The following SAV1 variants were observed in gnomAD, a reference collection of about 807,000 sequenced individuals.
The protein encoded by SAV1 is salvador family WW domain containing protein 1.
A neutral mutation model predicts 47.3 loss-of-function variants in SAV1; 23 were observed. The ratio of observed to expected loss-of-function variants is 0.49; its 90% CI spans 0.35 to 0.69. SAV1 has a LOEUF of 0.69. Ranked by LOEUF, SAV1 falls within the 30% of genes least tolerant of loss-of-function variation. SAV1 has a pLI of 0.01. For synonymous variants in SAV1, 155 were observed against 159.2 expected, an observed-to-expected ratio of 0.97 and a Z score of 0.20; for missense variants, 448 against 457.4, an observed-to-expected ratio of 0.98 and a Z score of 0.19.
At chr14:50,666,423 C>T (rs1213879185) in intron 1 of SAV1, among the ~76,000 whole-genome samples, 1 of 152,092 alleles carries the variant, frequency 6.6e-6, no homozygotes, top group African/African-American at 2.4e-5. Flanking sequence ...AGACAAAAAC[C>T]TGAATATGCA....
At chr14:50,662,617 T>C (rs1296890791) in intron 2 of SAV1, 1 of 152,220 alleles carries the variant, frequency 6.6e-6, no homozygotes, top group Non-Finnish European at 1.5e-5. Context: ...AGAGGATCAG[T>C]AGAGATTTAG....
At chr14:50,655,120 CTTAAAGAGAAAATA>C (rs1360156910) in intron 2 of SAV1, among the ~76,000 whole-genome samples, 1 of 152,090 alleles carries the variant, frequency 6.6e-6, no homozygotes, top group African/African-American at 2.4e-5. Context: ...AACTTCAGTA[CTTAAAGAGAAAATA>C]TTTAAACAGA....
Position 50,665,407 on chromosome 14 carries a change from G to A in SAV1, c.307C>T (p.Leu103=), listed in dbSNP as rs1256340894. The change falls in exon 2 of 5, where the codon CTA becomes TTA. Residue 103 remains leucine, a synonymous_variant. Transcript: ENST00000324679. ...CCATACTCTCTAGGGACATCTGCTAGACTTCTGGCAAGATAAGAAGGTGCA... is the reference window on the plus strand; with the variant it reads ...CCATACTCTCTAGGGACATCTGCTAAACTTCTGGCAAGATAAGAAGGTGCA... ...LSAPSYLARS[L]ADVPREYGSS... 6.2e-7 allele frequency: 1 copy of A among 1,612,498 alleles called. No homozygotes were observed.
intron 1 of SAV1, 53 bp downstream of exon 1, chr14:50,667,821 C>A: frequency 1.3e-6 from 2 of 1,506,984 alleles, no homozygotes; most frequent in Non-Finnish European, 1.8e-6. Context: ...CCAGGGTCCC[C>A]GGAGCACCTG....
intron 2 of SAV1, among the ~76,000 whole-genome samples, chr14:50,648,949 G>T (rs773084469): frequency 1.3e-5 from 2 of 152,098 alleles, no homozygotes; most frequent in African/African-American, 2.4e-5. Flanking sequence ...ATTACTTGAT[G>T]AAAGTTATCT....
chr14:50,651,793 ATTTCT>A (rs1386218116), intron 2 of SAV1, among the ~76,000 whole-genome samples: 3 of 151,886 alleles, frequency 2.0e-5, no homozygotes, highest in Non-Finnish European at 4.4e-5. Context: ...AGCCTGGCTA[ATTTCT>A]TTTATTATTT....
chr14:50,653,476 A>G (rs1676893777), intron 2 of SAV1, among the ~76,000 whole-genome samples: 1 of 152,228 alleles, frequency 6.6e-6, no homozygotes, highest in South Asian at 2.1e-4. Context: ...ACTTAGACAT[A>G]CTTTGGAGAT....
At chr14:50,656,349 G>A (rs1196687137) in intron 2 of SAV1, among the ~76,000 whole-genome samples, 1 of 151,682 alleles carries the variant, frequency 6.6e-6, no homozygotes, top group Non-Finnish European at 1.5e-5. Context: ...CTTTACTAAC[G>A]CTATTAAAAA....
At chr14:50,639,085 C>T (rs1198042899) in intron 4 of SAV1, among the ~76,000 whole-genome samples, 1 of 152,184 alleles carries the variant, frequency 6.6e-6, no homozygotes, top group East Asian at 1.9e-4. Context: ...AAAATTTTAT[C>T]CTATAGTTCA....
At chr14:50,651,153 G>T (rs568455813) in intron 2 of SAV1, among the ~76,000 whole-genome samples, 2 of 152,264 alleles carry the variant, frequency 1.3e-5, no homozygotes, top group African/African-American at 4.8e-5. Context: ...TGGCTAAGCC[G>T]CTTCCAAAAT....
intron 4 of SAV1, among the ~76,000 whole-genome samples, chr14:50,636,793 T>C (rs987757616): frequency 1.3e-5 from 2 of 152,202 alleles, no homozygotes; most frequent in Non-Finnish European, 2.9e-5. Flanking sequence ...TCAATGTTAA[T>C]ATCCACTAAG....
Position 50,667,958 on chromosome 14 carries a change from G to C in SAV1, c.10C>G (p.Arg4Gly), listed in dbSNP as rs759488198. 9 of 1,610,908 alleles carry C rather than the reference G, an allele frequency of 5.6e-6. No individual in the cohort carries two copies. In the East Asian group the frequency reaches 6.7e-5, roughly 12 times the overall value. Reference sequence around the variant, plus strand: ...GACACTTCGTTTTTGGTTTTCTTTCGGGACAGCATCCTTCTCGACGAGGCC... The same window carrying C: ...GACACTTCGTTTTTGGTTTTCTTTCCGGACAGCATCCTTCTCGACGAGGCC... MLS[R>G]KKTKNEVSKP... Residue 4 changes from arginine to glycine, a missense_variant, in exon 1 of 5, where the codon CGA becomes GGA. By Grantham distance (125) the Arg-to-Gly change is moderately radical. Coordinates refer to ENST00000324679, the MANE Select transcript of SAV1 (RefSeq NM_021818.4).
chr14:50,635,101 T>C lies in SAV1; in HGVS notation c.*82A>G. On this transcript the variant is annotated 3_prime_UTR_variant, in exon 5 of 5. Transcript: ENST00000324679. ...TTTCCACAAAGGAAGCAGCATTTAT[T>C]AACCAGAGTACTTGTTTGCAATTTT... 1 of 909,444 alleles carries C rather than the reference T, an allele frequency of 1.1e-6. No individual in the cohort carries two copies. The highest frequency in any genetic ancestry group is 1.7e-6 in the Non-Finnish European group (1 of 579,262). 56.3% of individuals were successfully genotyped at this position (909,444 alleles called of 1,614,324 possible). A position where few individuals can be genotyped will look rare whatever the true frequency, so the allele number is the denominator to read the frequency against.
intron 4 of SAV1, among the ~76,000 whole-genome samples, chr14:50,640,359 A>C (rs1335084141): frequency 6.6e-6 from 1 of 152,076 alleles, no homozygotes; most frequent in Admixed American, 6.6e-5. Flanking sequence ...GACTTAAGAG[A>C]TCCTCCTGCC....
At chr14:50,654,622 G>A (rs1390951056) in intron 2 of SAV1, among the ~76,000 whole-genome samples, 1 of 152,202 alleles carries the variant, frequency 6.6e-6, no homozygotes, top group African/African-American at 2.4e-5. Context: ...ATGCGCACGT[G>A]CTGTTGGACT....
In SAV1 at chr14:50,634,412, G is replaced by A. The variant is rs941834817; in HGVS notation, c.*771C>T. On this transcript the variant is annotated 3_prime_UTR_variant, in exon 5 of 5. Transcript: ENST00000324679. ...TCTCTCAGGCTGCAGTGCAAGTGGTGCGATCTTGACCCTGCAACCTCTGCC... is the reference window on the plus strand; with the variant it reads ...TCTCTCAGGCTGCAGTGCAAGTGGTACGATCTTGACCCTGCAACCTCTGCC... 1.2e-5 allele frequency: 3 copies of A among 260,432 alleles called. No homozygotes were observed. Among genetic ancestry groups the A allele is most frequent in the Admixed American group, 8.8e-5 (2 of 22,684 alleles). The allele number at this position is 260,432 out of a possible 1,614,324, so 16.1% of individuals were successfully genotyped here.
At chr14:50,660,302 T>C (rs1052130873) in intron 2 of SAV1, among the ~76,000 whole-genome samples, 2 of 152,186 alleles carry the variant, frequency 1.3e-5, no homozygotes, top group South Asian at 2.1e-4. Context: ...AAATCATCTT[T>C]AAATATCTTA....
chr14:50,653,598 C>T (rs1447410299), intron 2 of SAV1, among the ~76,000 whole-genome samples: 1 of 152,102 alleles, frequency 6.6e-6, no homozygotes, highest in Non-Finnish European at 1.5e-5. Flanking sequence ...CGGCCGGACA[C>T]GGTGGCTCAC....
Position 50,643,110 on chromosome 14 carries a change from A to G in SAV1, c.806+1634T>C, listed in dbSNP as rs190407557. Among the ~76,000 whole-genome samples, 122 of 152,352 alleles carry G rather than the reference A, an allele frequency of 8.0e-4. 1 individual carries two copies. Among genetic ancestry groups the G allele is most frequent in the African/African-American group, 2.8e-3 (115 of 41,586 alleles). On this transcript the variant is annotated intron_variant, in intron 3 of 4. Coordinates refer to ENST00000324679, the MANE Select transcript of SAV1 (RefSeq NM_021818.4). ...ACAACCAGACAACTAGTAATACTAC[A>G]TATGTGAGCTTAAGGGCAGCGTTTA... is the stretch of plus-strand genomic sequence containing the variant.
Sources: allele counts gnomAD v4.1 joint callset (sites outside exome capture counted in the v4.1 genomes callset), GRCh38; gene constraint gnomAD v4.1.1; transcripts MANE v1.5; gene names NCBI Gene and HGNC (gene_info 2026-07-23, HGNC 2026-07-21).